Variants in C10orf105 observed in about 807,000 individuals in gnomAD.
C10orf105 encodes chromosome 10 open reading frame 105, also known as uncharacterized protein C10orf105.
Under a neutral mutation model 0.6 loss-of-function variants are expected in C10orf105, and 2 were observed. That is an observed-to-expected ratio of 3.18 (90% CI 1.30 to 10.01). The LOEUF is 10.01. Ranked by LOEUF, C10orf105 falls within the 30% of genes most tolerant of loss-of-function variation. C10orf105 has a pLI of 0.04. For missense variants in C10orf105, 209 were observed against 191.4 expected (o/e 1.09, Z -0.54); for synonymous variants, 95 against 82.4 (o/e 1.15, Z -0.83).
intron 1 of C10orf105, chr10:71,732,805 G>T: frequency 1.3e-6 from 1 of 747,554 alleles, no homozygotes. Context: ...GTGTGTGTGG[G>T]GTTTTCCCCC....
chr10:71,735,798 C>G (rs1251245876), intron 1 of C10orf105, among the ~76,000 whole-genome samples: 1 of 152,214 alleles, frequency 6.6e-6, no homozygotes, highest in Non-Finnish European at 1.5e-5. Context: ...GTGGGGCCAG[C>G]CTGGGGGTGA....
At chr10:71,721,753 C>T (rs1866568776), upstream of C10orf105, among the ~76,000 whole-genome samples, 1 of 152,184 alleles carries the variant, frequency 6.6e-6, no homozygotes, top group Non-Finnish European at 1.5e-5. Context: ...GTCTATACTC[C>T]CTGTCCTGTG....
At chr10:71,723,590 G>A (rs149530038), upstream of C10orf105, among the ~76,000 whole-genome samples, 28 of 152,290 alleles carry the variant, frequency 1.8e-4, no homozygotes, top group Non-Finnish European at 3.4e-4. Flanking sequence ...GTACAGTGCC[G>A]GCTGGGACCC....
rs746079595 is a variant in C10orf105, at chr10:71,715,675, G to A, written c.*261C>T. 4.1e-5 allele frequency: 14 copies of A among 343,056 alleles called. No individual in the cohort carries two copies. The highest frequency in any genetic ancestry group is 6.9e-5 in the Non-Finnish European group (13 of 188,998). 21.3% of individuals were successfully genotyped at this position (343,056 alleles called of 1,614,324 possible). Reference sequence around the variant, plus strand: ...TGTGGAGCCTCAGGCCAAAGGCCCAGATGACCACGAGTGCACATCTCTTGA... The same window carrying A: ...TGTGGAGCCTCAGGCCAAAGGCCCAAATGACCACGAGTGCACATCTCTTGA... On this transcript the variant is annotated 3_prime_UTR_variant, in exon 2 of 2. Coordinates refer to ENST00000441508, the MANE Select transcript of C10orf105 (RefSeq NM_001164375.3).
At chr10:71,716,422 G>T in intron 1 of C10orf105, 80 bp from the exon 2 acceptor site, 1 of 1,146,972 alleles carries the variant, frequency 8.7e-7, no homozygotes, top group Non-Finnish European at 1.2e-6. Context: ...CTTACCTAGG[G>T]AATGTGGATG....
intron 1 of C10orf105, among the ~76,000 whole-genome samples, chr10:71,735,703 G>A (rs1300146410): frequency 2.6e-5 from 4 of 152,250 alleles, no homozygotes; most frequent in African/African-American, 9.6e-5. Context: ...ATTTCTTGGG[G>A]TTCTTGGCCC....
At chr10:71,733,530 C>A (rs1289999660) in intron 1 of C10orf105, among the ~76,000 whole-genome samples, 1 of 152,140 alleles carries the variant, frequency 6.6e-6, no homozygotes, top group Non-Finnish European at 1.5e-5. Flanking sequence ...GAACAAAAGA[C>A]TCCTATCACC....
chr10:71,729,016 G>A (rs1483481007), intron 1 of C10orf105, among the ~76,000 whole-genome samples: 3 of 151,322 alleles, frequency 2.0e-5, no homozygotes, highest in Admixed American at 6.6e-5. Context: ...TGTAATTTTT[G>A]TAGAGACAGA....
intron 1 of C10orf105, among the ~76,000 whole-genome samples, chr10:71,736,779 C>T (rs1316027958): frequency 6.6e-6 from 1 of 152,192 alleles, no homozygotes; most frequent in Non-Finnish European, 1.5e-5. Flanking sequence ...TAGACATATC[C>T]CTTGCCTTCC....
intron 1 of C10orf105, among the ~76,000 whole-genome samples, chr10:71,727,662 TAC>T (rs201847134): frequency 6.6e-5 from 10 of 151,070 alleles, no homozygotes; most frequent in African/African-American, 1.9e-4. Flanking sequence ...TCACGACACA[TAC>T]ACACACACAC....
At chr10:71,725,343 T>C (rs768364372) in intron 1 of C10orf105, 2 of 1,613,754 alleles carry the variant, frequency 1.2e-6, no homozygotes, top group Non-Finnish European at 1.7e-6. Flanking sequence ...GCAGGGCCGG[T>C]GTTCCAGGGG....
intron 1 of C10orf105, among the ~76,000 whole-genome samples, chr10:71,727,552 A>C (rs757387860): frequency 6.6e-6 from 1 of 152,118 alleles, no homozygotes; most frequent in African/African-American, 2.4e-5. Flanking sequence ...AACCATCCAC[A>C]TCCTCCAGTT....
At chr10:71,732,829 A>G in intron 1 of C10orf105, 1 of 440,686 alleles carries the variant, frequency 2.3e-6, no homozygotes, top group Non-Finnish European at 3.1e-6. Context: ...ATCGGCAACC[A>G]ATTATCTGAC....
chr10:71,736,365 C>A (rs1003116759), intron 1 of C10orf105, among the ~76,000 whole-genome samples: 1 of 152,180 alleles, frequency 6.6e-6, no homozygotes, highest in Non-Finnish European at 1.5e-5. Context: ...TCTGCTAGGC[C>A]GGAACCCAAA....
rs1468947286 is a variant in C10orf105 at position 71,713,500 on chromosome 10, G to T, written c.*2436C>A. 1 of 553,174 alleles carries T rather than the reference G, an allele frequency of 1.8e-6. No individual in the cohort carries two copies. Among genetic ancestry groups the T allele is most frequent in the African/African-American group, 1.9e-5 (1 of 52,662 alleles). 34.3% of individuals were successfully genotyped at this position (553,174 alleles called of 1,614,324 possible). ...TCCCGGGCTTGGGAGGGACAGAAGC[G>T]TGGGAGGCTGGCAATGCTCCCCTCC... On this transcript the variant is annotated 3_prime_UTR_variant, in exon 2 of 2. Transcript: ENST00000441508.
chr10:71,736,671 C>T (rs1351882576), intron 1 of C10orf105, among the ~76,000 whole-genome samples: 1 of 152,226 alleles, frequency 6.6e-6, no homozygotes, highest in Non-Finnish European at 1.5e-5. Context: ...TCACCCCTGC[C>T]TTGCAGCCTC....
chr10:71,716,413 T>TTCCCTA, intron 1 of C10orf105, 71 bp from the exon 2 acceptor site: 2 of 1,277,332 alleles, frequency 1.6e-6, no homozygotes, highest in Non-Finnish European at 2.1e-6. Flanking sequence ...TAGGGAAGAC[T>TTCCCTA]TACCTAGGGA....
chr10:71,722,747 C>T (rs138325105), upstream of C10orf105, among the ~76,000 whole-genome samples: 1 of 152,292 alleles, frequency 6.6e-6, no homozygotes, highest in East Asian at 1.9e-4. Context: ...AGGGCATGAA[C>T]ATGCAAATAT....
intron 1 of C10orf105, among the ~76,000 whole-genome samples, chr10:71,725,033 G>T (rs1866742704): frequency 6.6e-6 from 1 of 152,170 alleles, no homozygotes; most frequent in African/African-American, 2.4e-5. Flanking sequence ...TATTAAAAAG[G>T]CCTCACACTA....
Sources: allele counts gnomAD v4.1 joint callset (sites outside exome capture counted in the v4.1 genomes callset), GRCh38; gene constraint gnomAD v4.1.1; transcripts MANE v1.5; gene names NCBI Gene and HGNC (gene_info 2026-07-23, HGNC 2026-07-21).